Variants in TAFA1 observed in about 807,000 individuals in gnomAD.
TAFA1 encodes the protein TAFA chemokine like family member 1.
TAFA1 carries 4 observed loss-of-function variants against 18.5 expected under a neutral mutation model. The ratio of observed to expected loss-of-function variants is 0.22; its 90% confidence interval spans 0.11 to 0.49. TAFA1 has a LOEUF of 0.49. Ranked by LOEUF, TAFA1 falls within the 20% of genes least tolerant of loss-of-function variation. TAFA1 has a pLI of 0.98. For missense variants in TAFA1, 147 were observed against 169.0 expected, an observed-to-expected ratio of 0.87 and a Z score of 0.72; for synonymous variants, 56 against 55.2, an observed-to-expected ratio of 1.01 and a Z score of -0.06.
chr3:68,094,009 G>A (rs1439493073), intron 2 of TAFA1, among the ~76,000 whole-genome samples: 2 of 151,948 alleles, frequency 1.3e-5, no homozygotes, highest in East Asian at 1.9e-4. Context: ...CTATTTTCAT[G>A]TTATGGACTC....
chr3:68,134,520 C>T (rs1312368226), intron 2 of TAFA1, among the ~76,000 whole-genome samples: 2 of 152,144 alleles, frequency 1.3e-5, no homozygotes, highest in Non-Finnish European at 2.9e-5. Flanking sequence ...TGAGGAACAG[C>T]TGGTTCTTAC....
chr3:68,030,166 A>G (rs1272560711), intron 2 of TAFA1, among the ~76,000 whole-genome samples: 1 of 152,246 alleles, frequency 6.6e-6, no homozygotes. Context: ...GACATTATTA[A>G]TAATGGCAAA....
chr3:68,393,825 A>G (rs957320639), intron 2 of TAFA1, among the ~76,000 whole-genome samples: 20 of 152,218 alleles, frequency 1.3e-4, no homozygotes, highest in Admixed American at 2.6e-4. Context: ...CCTTCATGCT[A>G]AAAACACTCA....
intron 3 of TAFA1, among the ~76,000 whole-genome samples, chr3:68,442,468 G>A (rs991833445): frequency 1.3e-5 from 2 of 152,122 alleles, no homozygotes; most frequent in Non-Finnish European, 1.5e-5. Context: ...GTCATCTCTT[G>A]AAGGCCCCAC....
At chr3:68,145,762 A>G in intron 2 of TAFA1, 1 of 584,028 alleles carries the variant, frequency 1.7e-6, no homozygotes, top group Non-Finnish European at 3.1e-6. Context: ...GTGATAAAAT[A>G]CATATAGAAT....
At chr3:68,394,428 C>T (rs987460684) in intron 2 of TAFA1, among the ~76,000 whole-genome samples, 1 of 152,086 alleles carries the variant, frequency 6.6e-6, no homozygotes, top group Non-Finnish European at 1.5e-5. Context: ...CATTGACTTT[C>T]TTCACAGAAT....
At chr3:68,202,994 G>T (rs1269669048) in intron 2 of TAFA1, among the ~76,000 whole-genome samples, 2 of 151,588 alleles carry the variant, frequency 1.3e-5, no homozygotes, top group Admixed American at 6.6e-5. Flanking sequence ...AGGCATGTTT[G>T]CTGACTAATT....
chr3:68,120,167 CTTTCTCTTTCTT>C lies in TAFA1; in HGVS notation c.118+113425_118+113436del, dbSNP rs1559527458. On this transcript the variant is annotated intron_variant, in intron 2 of 4. Coordinates refer to ENST00000478136, the MANE Select transcript of TAFA1 (RefSeq NM_213609.4). ...TCATTTTCTTTCTTTCTTTCTCTTT[CTTTCTCTTTCTT>C]TCTTTCTTTCTTTCTTTCTTTCTTT... is the stretch of plus-strand genomic sequence containing the variant. Among the ~76,000 whole-genome samples the C allele has an allele frequency of 1.3e-3, 198 of 147,474 alleles. 2 individuals carry two copies. The highest frequency in any genetic ancestry group is 4.8e-3 in the African/African-American group (187 of 39,082).
intron 3 of TAFA1, among the ~76,000 whole-genome samples, chr3:68,525,837 TTC>T (rs933140041): frequency 2.6e-5 from 4 of 152,116 alleles, no homozygotes; most frequent in African/African-American, 7.2e-5. Context: ...TATCCTGTTA[TTC>T]TCTCTCTCTT....
intron 3 of TAFA1, among the ~76,000 whole-genome samples, chr3:68,494,644 C>T (rs2072513541): frequency 6.6e-6 from 1 of 152,146 alleles, no homozygotes; most frequent in African/African-American, 2.4e-5. Flanking sequence ...GGAAGTCACA[C>T]ATGATGAATT....
chr3:68,190,703 GT>G (rs1434307480), intron 2 of TAFA1, among the ~76,000 whole-genome samples: 4 of 151,828 alleles, frequency 2.6e-5, no homozygotes, highest in Non-Finnish European at 5.9e-5. Flanking sequence ...AAAGGTATGT[GT>G]TTTGGGAGGA....
rs10662237 is a variant in TAFA1, at chr3:68,168,144, CAAAAA to C, written c.118+161412_118+161416del. Among the ~76,000 whole-genome samples, 244 of 116,450 alleles carry C rather than the reference CAAAAA, an allele frequency of 2.1e-3. 5 individuals are homozygous for C. Among genetic ancestry groups the C allele is most frequent in the Non-Finnish European group, 5.0e-4 (29 of 57,580 alleles). 76.4% of individuals were successfully genotyped at this position (116,450 alleles called of 152,430 possible). A position where few individuals can be genotyped will look rare whatever the true frequency, so the allele number is the denominator to read the frequency against. On this transcript the variant is annotated intron_variant, in intron 2 of 4. Coordinates refer to ENST00000478136, the MANE Select transcript of TAFA1 (RefSeq NM_213609.4). ...GTCCTAATAAGCTTCTTTTCAGATA[CAAAAA>C]AAAAAAAAAAAGAAGGCTTGATTTG...
chr3:68,372,000 A>C (rs895840007), intron 2 of TAFA1, among the ~76,000 whole-genome samples: 2 of 152,178 alleles, frequency 1.3e-5, no homozygotes, highest in African/African-American at 4.8e-5. Context: ...AACACTTCTG[A>C]ACATCTCGAT....
intron 4 of TAFA1, among the ~76,000 whole-genome samples, chr3:68,541,628 G>C (rs1320916355): frequency 6.7e-6 from 1 of 149,922 alleles, no homozygotes; most frequent in Non-Finnish European, 1.5e-5. Context: ...GTTCTTTTTT[G>C]TGTGAGAATA....
intron 3 of TAFA1, among the ~76,000 whole-genome samples, chr3:68,514,160 C>T (rs1218067335): frequency 2.0e-5 from 3 of 152,154 alleles, no homozygotes; most frequent in Admixed American, 6.5e-5. Context: ...CCTCCTAACA[C>T]TATCACTTTG....
At chr3:68,509,849 G>A (rs375652071) in intron 3 of TAFA1, among the ~76,000 whole-genome samples, 1 of 152,108 alleles carries the variant, frequency 6.6e-6, no homozygotes, top group Non-Finnish European at 1.5e-5. Flanking sequence ...ATAGTTTCCT[G>A]AAAGGGAGAA....
At chr3:68,076,016 G>C (rs188845810) in intron 2 of TAFA1, among the ~76,000 whole-genome samples, 1 of 152,156 alleles carries the variant, frequency 6.6e-6, no homozygotes, top group African/African-American at 2.4e-5. Context: ...TCTTTCATAG[G>C]AAAAAGAAAT....
intron 3 of TAFA1, among the ~76,000 whole-genome samples, chr3:68,522,063 T>C (rs1172057122): frequency 6.6e-6 from 1 of 151,688 alleles, no homozygotes; most frequent in Non-Finnish European, 1.5e-5. Flanking sequence ...CTCAGGGTGG[T>C]CTCCATCTCC....
intron 2 of TAFA1, among the ~76,000 whole-genome samples, chr3:68,110,312 C>CTT (rs2065249530): frequency 6.6e-6 from 1 of 152,266 alleles, no homozygotes; most frequent in African/African-American, 2.4e-5. Context: ...TGAGCTCATT[C>CTT]CTTTTTATGG....
Sources: allele counts gnomAD v4.1 joint callset (sites outside exome capture counted in the v4.1 genomes callset), GRCh38; gene constraint gnomAD v4.1.1; transcripts MANE v1.5; gene names NCBI Gene and HGNC (gene_info 2026-07-23, HGNC 2026-07-21).